Variants in CUX1 observed in about 807,000 individuals in gnomAD.
The protein encoded by CUX1 is protein CASP.
A neutral mutation model predicts 158.8 loss-of-function variants in CUX1; 31 were observed. That is an observed-to-expected ratio of 0.20 (90% confidence interval 0.15 to 0.26). The LOEUF (loss-of-function observed/expected upper bound fraction) is 0.26, where lower values mean the gene tolerates loss of function less well. Among genes scored for constraint, CUX1 ranks in the 10% least tolerant of loss-of-function variants. The pLI is 1.00. For synonymous variants in CUX1, 879 were observed against 862.1 expected, an observed-to-expected ratio of 1.02 and a Z score of -0.34; for missense variants, 1,589 against 2,014.6, an observed-to-expected ratio of 0.79 and a Z score of 4.04.
intron 1 of CUX1, among the ~76,000 whole-genome samples, chr7:101,893,803 A>C (rs188950461): frequency 1.3e-5 from 2 of 152,242 alleles, no homozygotes; most frequent in African/African-American, 4.8e-5. Flanking sequence ...GATAATTTCT[A>C]TGTAGATAAT....
intron 2 of CUX1, among the ~76,000 whole-genome samples, chr7:102,003,099 G>A (rs908847672): frequency 1.3e-5 from 2 of 151,950 alleles, no homozygotes; most frequent in South Asian, 2.1e-4. Flanking sequence ...ACAGGGTTTC[G>A]TGTTGGCCAG....
chr7:102,245,115 T>C (rs1800666926), intron 23 of CUX1, among the ~76,000 whole-genome samples: 1 of 152,212 alleles, frequency 6.6e-6, no homozygotes, highest in Admixed American at 6.5e-5. Context: ...AAATCTCAGC[T>C]CACCGCAGCC....
chr7:102,258,337 G>A (rs1334259379), downstream of CUX1: 2 of 298,618 alleles, frequency 6.7e-6, no homozygotes, highest in Non-Finnish European at 9.9e-6. Context: ...CGTTCCCGAG[G>A]TCGTCCCCTT....
chr7:102,280,216 G>A (rs1314797784), intron 19 of CUX1: 6 of 739,390 alleles, frequency 8.1e-6, no homozygotes, highest in East Asian at 5.3e-5. Context: ...CTGAGCACTC[G>A]GCCTTCCCTG....
chr7:102,097,593 G>A (rs1207504347), intron 5 of CUX1, 92 bp downstream of exon 5: 2 of 1,335,960 alleles, frequency 1.5e-6, no homozygotes, highest in Admixed American at 2.5e-5. Flanking sequence ...TTTGAGACCA[G>A]CTCTCCTTGT....
upstream of CUX1, chr7:101,817,133 G>A (rs1219459695): frequency 1.0e-6 from 1 of 984,328 alleles, no homozygotes; most frequent in African/African-American, 1.8e-5. This position sits in a 1 kb window ranked among gnomAD's most constrained non-coding sequence, Gnocchi z 4.1. Flanking sequence ...GCCGGGTGCG[G>A]GCGCGGGAGG....
Position 102,201,876 on chromosome 7 carries a change from G to A in CUX1, c.2579G>A (p.Gly860Asp). 3 of 1,613,452 alleles carry A rather than the reference G, an allele frequency of 1.9e-6. No homozygotes were observed. Among genetic ancestry groups the A allele is most frequent in the Non-Finnish European group, 2.5e-6 (3 of 1,179,892 alleles). Residue 860 changes from glycine to aspartate, a missense_variant, in exon 18 of 24, where the codon GGC becomes GAC. Coordinates refer to ENST00000292535, the MANE Select transcript of CUX1 (RefSeq NM_181552.4). The surrounding 1 kb of genome is among the most constrained non-coding windows in gnomAD (Gnocchi z 5.0). Reference sequence around the variant, plus strand: ...AAGGGCAGCGGTGGCAGCGGAGGTGGCAGCCAGCCTCGGGCCGAGCGCAGT... The same window carrying A: ...AAGGGCAGCGGTGGCAGCGGAGGTGACAGCCAGCCTCGGGCCGAGCGCAGT... Reference protein sequence around the residue: ...KEKGSGGSGGGSQPRAERSQL... With the variant: ...KEKGSGGSGGDSQPRAERSQL...
intron 8 of CUX1, among the ~76,000 whole-genome samples, chr7:102,150,259 G>A (rs118109007): frequency 0.023 from 3,527 of 152,214 alleles, 70 homozygotes; most frequent in Non-Finnish European, 0.033. Context: ...GGGTTCAAGC[G>A]ATTCTTCCGC....
intron 3 of CUX1, among the ~76,000 whole-genome samples, chr7:102,061,400 G>A (rs541769379): frequency 6.6e-6 from 1 of 152,312 alleles, no homozygotes; most frequent in South Asian, 2.1e-4. Context: ...GAGGGGCCAG[G>A]AGCCAGGGTC....
chr7:102,282,989 T>A, intron 22 of CUX1: 1 of 1,347,500 alleles, frequency 7.4e-7, no homozygotes, highest in Non-Finnish European at 9.9e-7. Flanking sequence ...ACACACACAC[T>A]CGGCCTCAGC....
At chr7:102,265,591 C>T (rs993851695) in intron 14 of CUX1, among the ~76,000 whole-genome samples, 3 of 151,832 alleles carry the variant, frequency 2.0e-5, no homozygotes, top group Non-Finnish European at 2.9e-5. Flanking sequence ...TGCACCACCA[C>T]ACACGGCTAA....
intron 2 of CUX1, among the ~76,000 whole-genome samples, chr7:101,920,543 G>A (rs1804794866): frequency 6.6e-6 from 1 of 152,202 alleles, no homozygotes; most frequent in Non-Finnish European, 1.5e-5. Context: ...TTACAGGCAC[G>A]AGCCACTGCG....
In CUX1 at chr7:102,201,693, C is replaced by G. The variant is rs1211653574; in HGVS notation, c.2396C>G (p.Ala799Gly). 1 of 1,612,486 alleles carries G rather than the reference C, an allele frequency of 6.2e-7. No homozygotes were observed. The highest frequency in any genetic ancestry group is 1.7e-5 in the Admixed American group (1 of 59,988). Residue 799 changes from alanine to glycine, a missense_variant, in exon 18 of 24, where the codon GCA becomes GGA. This residue lies in a region of CUX1 where 337 missense variants were observed against 409.3 expected (regional missense o/e 0.82). Coordinates refer to ENST00000292535, the MANE Select transcript of CUX1 (RefSeq NM_181552.4). The surrounding 1 kb of genome is among the most constrained non-coding windows in gnomAD (Gnocchi z 5.0). ...QDAPGLDPQG[A>G]ADCAQGVLRQ... ...GCCCCCGGGCTGGACCCCCAGGGAGCAGCCGATTGTGCACAAGGGGTCCTG... is the reference window on the plus strand; with the variant it reads ...GCCCCCGGGCTGGACCCCCAGGGAGGAGCCGATTGTGCACAAGGGGTCCTG...
intron 1 of CUX1, among the ~76,000 whole-genome samples, chr7:101,875,782 C>T (rs1799058745): frequency 6.6e-6 from 1 of 152,120 alleles, no homozygotes; most frequent in Non-Finnish European, 1.5e-5. Context: ...ATTACGTAGG[C>T]CTGACTTTTT....
chr7:102,044,292 C>T (rs1406965194), intron 3 of CUX1, among the ~76,000 whole-genome samples: 4 of 152,044 alleles, frequency 2.6e-5, no homozygotes, highest in African/African-American at 7.2e-5. Context: ...TAGGTTCCAG[C>T]GATTCTCCTG....
intron 2 of CUX1, among the ~76,000 whole-genome samples, chr7:101,944,481 G>A (rs1318974809): frequency 1.3e-5 from 2 of 152,206 alleles, no homozygotes; most frequent in African/African-American, 4.8e-5. Flanking sequence ...ATGCTCCTCC[G>A]TGACTGTTTG....
intron 1 of CUX1, among the ~76,000 whole-genome samples, chr7:101,893,102 G>A (rs1801061845): frequency 7.4e-6 from 1 of 135,238 alleles, no homozygotes; most frequent in East Asian, 2.0e-4. Flanking sequence ...ATCATATTTT[G>A]CTTTCTGATA....
In CUX1 at chr7:102,197,289, C is replaced by T. The variant is rs1184344803; in HGVS notation, c.1878C>T (p.Ile626=). 6.2e-6 allele frequency: 10 copies of T among 1,612,084 alleles called. No individual in the cohort carries two copies. In the East Asian group the frequency reaches 2.2e-4, roughly 36 times the overall value. The change falls in exon 15 of 24, where the codon ATC becomes ATT. Residue 626 remains isoleucine (I), a synonymous_variant. Transcript: ENST00000292535. ...DEQNILALRS[I]QGRQRENPGQ... The stretch of plus-strand genomic sequence containing the variant: ...AGAACATCCTGGCCCTCCGTAGCAT[C>T]CAAGGCAGACAAAGAGGTGAGAGAC...
chr7:102,182,926 T>C (rs1441824277), intron 11 of CUX1, among the ~76,000 whole-genome samples: 1 of 152,166 alleles, frequency 6.6e-6, no homozygotes, highest in Non-Finnish European at 1.5e-5. Flanking sequence ...TTTCTAGAGA[T>C]GCGTTAAAGA....
Sources: allele counts gnomAD v4.1 joint callset (sites outside exome capture counted in the v4.1 genomes callset), GRCh38; gene constraint gnomAD v4.1.1; regional missense constraint gnomAD v4.1.1; non-coding constraint Gnocchi (gnomAD v3.1); transcripts MANE v1.5; gene names NCBI Gene and HGNC (gene_info 2026-07-23, HGNC 2026-07-21).